DNAI3: variants seen among roughly 807,000 people sequenced by gnomAD.
DNAI3 encodes the protein WD repeat domain 63.
In DNAI3, 83 loss-of-function variants were observed where a neutral mutation model predicts 115.5. The observed-to-expected ratio is 0.72, with a 90% CI of 0.60 to 0.86. DNAI3 has a LOEUF of 0.86. DNAI3 is among the 40% of genes least tolerant of loss of function. DNAI3 has a pLI of 0.00. For missense variants in DNAI3, 1,004 were observed against 1,075.8 expected (o/e 0.93, Z 0.93); for synonymous variants, 320 against 347.0 (o/e 0.92, Z 0.86).
intron 3 of DNAI3, among the ~76,000 whole-genome samples, chr1:85,080,824 G>T (rs1654615091): frequency 6.6e-6 from 1 of 152,156 alleles, no homozygotes; most frequent in African/African-American, 2.4e-5. Flanking sequence ...ACCAATACGA[G>T]AATGGTTTAA....
chr1:85,067,618 A>G (rs113893769), intron 1 of DNAI3, among the ~76,000 whole-genome samples: 114 of 152,362 alleles, frequency 7.5e-4, no homozygotes, highest in African/African-American at 2.5e-3. Flanking sequence ...AAAGTCACAG[A>G]TGAAATTAAG....
chr1:85,094,251 T>C, intron 9 of DNAI3, 180 bp from the exon 10 acceptor site: 1 of 732,398 alleles, frequency 1.4e-6, no homozygotes, highest in African/African-American at 1.8e-5. Flanking sequence ...AGATTTCAAG[T>C]GCTAAATAAG....
intron 1 of DNAI3, among the ~76,000 whole-genome samples, chr1:85,068,114 G>T (rs1039286917): frequency 7.1e-6 from 1 of 139,916 alleles, no homozygotes; most frequent in African/African-American, 2.6e-5. Flanking sequence ...GGACCAAGGA[G>T]TTATTAATCT....
chr1:85,105,296 G>T (rs931950396), intron 14 of DNAI3, among the ~76,000 whole-genome samples: 3 of 152,130 alleles, frequency 2.0e-5, no homozygotes, highest in Admixed American at 6.6e-5. Flanking sequence ...TGTTGGGGAA[G>T]ATTCTGTGAC....
chr1:85,103,860 C>A (rs1428191877), intron 13 of DNAI3, among the ~76,000 whole-genome samples: 1 of 149,282 alleles, frequency 6.7e-6, no homozygotes, highest in African/African-American at 2.5e-5. Flanking sequence ...GTACTCCAAC[C>A]TGGGGCACAG....
intron 13 of DNAI3, among the ~76,000 whole-genome samples, chr1:85,102,492 C>T (rs1655357958): frequency 6.6e-6 from 1 of 152,044 alleles, no homozygotes; most frequent in Admixed American, 6.5e-5. Flanking sequence ...TTCAGCCTTT[C>T]TAATATCAAA....
chr1:85,108,090 G>T lies in DNAI3; in HGVS notation c.1611G>T (p.Glu537Asp). 6.2e-7 allele frequency: 1 copy of T among 1,610,116 alleles called. No homozygotes were observed. The highest frequency in any genetic ancestry group is 1.7e-4 in the Middle Eastern group (1 of 6,044). ...AACCTTTAACCCCCCAAACAACAGA[G>T]AAAAAGAAGGAGGAAAGTATTGAAA... ...PQKPLTPQTTEKKKEESIEIP... is the reference protein window; with the variant it reads ...PQKPLTPQTTDKKKEESIEIP... The change falls in exon 15 of 23, where the codon GAG becomes GAT. Residue 537 changes from glutamate (E) to aspartate (D), a missense_variant. Physicochemically the swap from Glu to Asp is conservative, Grantham distance 45. Coordinates refer to ENST00000294664, the MANE Select transcript of DNAI3 (RefSeq NM_145172.5).
chr1:85,078,155 C>T (rs1654516546), intron 3 of DNAI3, among the ~76,000 whole-genome samples: 2 of 151,984 alleles, frequency 1.3e-5, no homozygotes, highest in Admixed American at 6.5e-5. Flanking sequence ...CTTCTGTGTC[C>T]ACTCATTAGA....
chr1:85,132,614 C>A (rs971317492), intron 22 of DNAI3, among the ~76,000 whole-genome samples: 3 of 151,220 alleles, frequency 2.0e-5, no homozygotes, highest in Admixed American at 6.6e-5. Context: ...GGAAGAAGGC[C>A]GGAAAAAGGG....
chr1:85,090,069 C>A, intron 7 of DNAI3, 47 bp from the exon 8 acceptor site: 1 of 1,031,890 alleles, frequency 9.7e-7, no homozygotes, highest in Non-Finnish European at 1.4e-6. Flanking sequence ...CATATTTGCT[C>A]TTCTTTGACC....
chr1:85,099,723 A>G (rs1374171083), intron 13 of DNAI3, among the ~76,000 whole-genome samples: 1 of 152,236 alleles, frequency 6.6e-6, no homozygotes, highest in Non-Finnish European at 1.5e-5. Context: ...TTCAAACTAT[A>G]CTACAAGGCT....
chr1:85,129,018 G>A (rs1208803732), intron 21 of DNAI3, among the ~76,000 whole-genome samples: 3 of 152,136 alleles, frequency 2.0e-5, no homozygotes, highest in African/African-American at 7.2e-5. Flanking sequence ...AGTCAATGAA[G>A]TCCAGATTCT....
At chr1:85,123,730 C>T (rs946687343) in intron 18 of DNAI3, among the ~76,000 whole-genome samples, 2 of 152,192 alleles carry the variant, frequency 1.3e-5, no homozygotes, top group African/African-American at 4.8e-5. Flanking sequence ...GAAATTCTAT[C>T]TTTCCCACTG....
chr1:85,068,024 A>C (rs933731826), intron 1 of DNAI3, among the ~76,000 whole-genome samples: 8 of 152,258 alleles, frequency 5.3e-5, no homozygotes, highest in African/African-American at 1.9e-4. Context: ...GCATGACTAT[A>C]GAGTATTCCA....
At chr1:85,107,559 T>C (rs1655526487) in intron 14 of DNAI3, among the ~76,000 whole-genome samples, 1 of 152,182 alleles carries the variant, frequency 6.6e-6, no homozygotes, top group South Asian at 2.1e-4. Flanking sequence ...GATCAGTAGT[T>C]GTCTAGGGCT....
At chr1:85,132,667 C>G (rs966793961) in intron 22 of DNAI3, among the ~76,000 whole-genome samples, 188 bp from the exon 23 acceptor site, 17 of 152,018 alleles carry the variant, frequency 1.1e-4, no homozygotes, top group East Asian at 1.9e-4. Flanking sequence ...TGTTTCCCCC[C>G]ACTCCCTCCT....
rs556050888 is a variant in DNAI3, at chr1:85,097,569, A to C, written c.1264A>C (p.Ile422Leu). ...ATGATAACATTTATTTCCATTTTAG[A>C]TTGTCATGTGGGATATCACCGCACA... is the stretch of plus-strand genomic sequence containing the variant. ...IIAGGCINGQIVMWDITAHAD... is the reference protein window; with the variant it reads ...IIAGGCINGQLVMWDITAHAD... Residue 422 changes from isoleucine to leucine, a missense_variant and splice_region_variant, in exon 12 of 23, where the codon ATT becomes CTT. Around this residue, in one of 3 missense-constraint regions of DNAI3, gnomAD observed 550 missense variants for 568.1 expected, o/e 0.97. Coordinates refer to ENST00000294664, the MANE Select transcript of DNAI3 (RefSeq NM_145172.5). 34 of 1,600,058 alleles carry C rather than the reference A, an allele frequency of 2.1e-5. No individual in the cohort carries two copies. In the African/African-American group the frequency reaches 3.5e-4, roughly 16 times the overall value.
At chr1:85,100,639 T>C (rs1258109837) in intron 13 of DNAI3, among the ~76,000 whole-genome samples, 6 of 152,126 alleles carry the variant, frequency 3.9e-5, no homozygotes, top group Admixed American at 2.6e-4. Context: ...ACCCAAAGGA[T>C]TATAAATCAT....
In DNAI3 at chr1:85,073,071, C is replaced by T. The variant is rs776246243; in HGVS notation, c.82C>T (p.Pro28Ser). ...PVLAASEDMEPVNMESMGHPE... is the reference protein window; with the variant it reads ...PVLAASEDMESVNMESMGHPE... ...TATTCTAGCTAGTGAAGACATGGAA[C>T]CAGTAAATATGGAGAGCATGGGTAA... Residue 28 changes from proline to serine, a missense_variant, in exon 3 of 23, where the codon CCA becomes TCA. Pro to Ser is a moderately conservative substitution (Grantham distance 74). Coordinates refer to ENST00000294664, the MANE Select transcript of DNAI3 (RefSeq NM_145172.5). The T allele has an allele frequency of 6.5e-7, 1 of 1,548,192 alleles. No homozygotes were observed. Among genetic ancestry groups the T allele is most frequent in the Non-Finnish European group, 8.7e-7 (1 of 1,145,320 alleles).
Sources: allele counts gnomAD v4.1 joint callset (sites outside exome capture counted in the v4.1 genomes callset), GRCh38; gene constraint gnomAD v4.1.1; regional missense constraint gnomAD v4.1.1; transcripts MANE v1.5; gene names NCBI Gene and HGNC (gene_info 2026-07-23, HGNC 2026-07-21).